The following NT5DC1 variants were observed in gnomAD, a reference collection of about 807,000 sequenced individuals.
NT5DC1 encodes the protein 5'-nucleotidase domain containing 1.
In NT5DC1, 42 loss-of-function variants were observed where a neutral mutation model predicts 59.4. That is an observed-to-expected ratio of 0.71 (90% CI 0.55 to 0.92). The LOEUF (loss-of-function observed/expected upper bound fraction) is 0.92, where lower values mean the gene tolerates loss of function less well. Among genes scored for constraint, NT5DC1 ranks in the 40% least tolerant of loss-of-function variants. The pLI, the probability that NT5DC1 is intolerant of heterozygous loss-of-function variation, is 0.00. For synonymous variants in NT5DC1, 172 were observed against 188.1 expected, an observed-to-expected ratio of 0.91 and a Z score of 0.70; for missense variants, 501 against 537.1, an observed-to-expected ratio of 0.93 and a Z score of 0.66.
intron 6 of NT5DC1, among the ~76,000 whole-genome samples, chr6:116,190,450 G>A (rs1483066155): frequency 6.6e-6 from 1 of 151,946 alleles, no homozygotes; most frequent in African/African-American, 2.4e-5. Context: ...GATGAGAGGT[G>A]AGGAAGACAG....
intron 2 of NT5DC1, among the ~76,000 whole-genome samples, chr6:116,108,056 CAT>C (rs1468569541): frequency 3.3e-5 from 5 of 152,006 alleles, no homozygotes; most frequent in African/African-American, 1.2e-4. Flanking sequence ...TTAACAAAGT[CAT>C]GGGATGATGT....
intron 6 of NT5DC1, among the ~76,000 whole-genome samples, chr6:116,123,970 T>C (rs1582816533): frequency 2.0e-5 from 3 of 152,230 alleles, no homozygotes; most frequent in Non-Finnish European, 4.4e-5. Context: ...AATCCAGTGC[T>C]GTTTGTCATA....
chr6:116,195,894 A>G (rs1204840), intron 6 of NT5DC1, among the ~76,000 whole-genome samples: 3,374 of 152,116 alleles, frequency 0.022, 133 homozygotes, highest in African/African-American at 0.078. Flanking sequence ...TTTAAGCCAC[A>G]AGTTGGAAAG....
At chr6:116,224,223 G>A (rs773537103) in intron 8 of NT5DC1, among the ~76,000 whole-genome samples, 2 of 152,162 alleles carry the variant, frequency 1.3e-5, no homozygotes, top group Non-Finnish European at 2.9e-5. Context: ...ATTTAATATG[G>A]TAATACAGTA....
chr6:116,195,810 G>A (rs1256985718), intron 6 of NT5DC1, among the ~76,000 whole-genome samples: 2 of 152,008 alleles, frequency 1.3e-5, no homozygotes, highest in African/African-American at 4.8e-5. Context: ...CAGATGGTGG[G>A]ATTGTGGGTG....
Position 116,100,872 on chromosome 6 carries a change from C to T in NT5DC1, c.-59C>T. 7.4e-7 allele frequency: 1 copy of T among 1,349,010 alleles called. No homozygotes were observed. Among genetic ancestry groups the T allele is most frequent in the Non-Finnish European group, 1.0e-6 (1 of 983,792 alleles). 83.6% of individuals were successfully genotyped at this position (1,349,010 alleles called of 1,614,324 possible). On this transcript the variant is annotated 5_prime_UTR_variant, in exon 1 of 12. Coordinates refer to ENST00000319550, the MANE Select transcript of NT5DC1 (RefSeq NM_152729.3). ...CCCGGTCCTGTCCCGCAGCGTCCCG[C>T]CAGCCAGCTCCTTGCACCCTTCGCG...
intron 8 of NT5DC1, among the ~76,000 whole-genome samples, chr6:116,234,853 C>T (rs559941046): frequency 1.3e-5 from 2 of 152,160 alleles, no homozygotes; most frequent in South Asian, 2.1e-4. Flanking sequence ...CTCTCTACTG[C>T]AGGAATTAAT....
At chr6:116,236,536 A>T (rs1437831562) in intron 8 of NT5DC1, among the ~76,000 whole-genome samples, 1 of 152,228 alleles carries the variant, frequency 6.6e-6, no homozygotes. Context: ...CAAAATTTAC[A>T]TCTGAATCTG....
chr6:116,242,068 T>A (rs942043264), intron 11 of NT5DC1, among the ~76,000 whole-genome samples: 3 of 151,938 alleles, frequency 2.0e-5, no homozygotes, highest in East Asian at 1.9e-4. Context: ...TAGCCAATTT[T>A]AAAAAAATAA....
chr6:116,199,555 T>C (rs1193451010), intron 6 of NT5DC1, among the ~76,000 whole-genome samples: 6 of 152,110 alleles, frequency 3.9e-5, no homozygotes, highest in African/African-American at 1.4e-4. Flanking sequence ...TCTAACGCCA[T>C]TCTCCAGTAT....
chr6:116,104,037 G>A (rs371438281), intron 1 of NT5DC1, among the ~76,000 whole-genome samples: 6 of 152,150 alleles, frequency 3.9e-5, no homozygotes, highest in South Asian at 2.1e-4. Context: ...GCAGTAGAAC[G>A]TGTATTATTA....
chr6:116,102,920 G>T (rs1218234599), intron 1 of NT5DC1, among the ~76,000 whole-genome samples: 2 of 152,214 alleles, frequency 1.3e-5, no homozygotes, highest in African/African-American at 2.4e-5. Context: ...TCTTTGCTCT[G>T]CACAGAAGCT....
intron 8 of NT5DC1, among the ~76,000 whole-genome samples, chr6:116,233,229 A>G (rs1782052121): frequency 6.6e-6 from 1 of 152,216 alleles, no homozygotes; most frequent in African/African-American, 2.4e-5. Flanking sequence ...AATTTTAGGA[A>G]AGTAATACAG....
At chr6:116,237,844 G>A in intron 9 of NT5DC1, among the ~76,000 whole-genome samples, 1 of 152,158 alleles carries the variant, frequency 6.6e-6, no homozygotes, top group East Asian at 1.9e-4. Flanking sequence ...TACCTCACCA[G>A]CTCTTCAACT....
chr6:116,212,827 T>C (rs1781606081), intron 6 of NT5DC1, among the ~76,000 whole-genome samples: 1 of 152,156 alleles, frequency 6.6e-6, no homozygotes, highest in Admixed American at 6.6e-5. Context: ...GATAAGTATG[T>C]AGAATTTGCT....
chr6:116,155,095 G>C (rs1267789553), intron 6 of NT5DC1, among the ~76,000 whole-genome samples: 1 of 152,128 alleles, frequency 6.6e-6, no homozygotes, highest in South Asian at 2.1e-4. Context: ...AGTAATTGCG[G>C]TTTTTGCCAT....
At chr6:116,108,263 G>T in intron 2 of NT5DC1, 101 bp from the exon 3 acceptor site, 1 of 746,782 alleles carries the variant, frequency 1.3e-6, no homozygotes, top group Non-Finnish European at 2.4e-6. Flanking sequence ...CTGGGTGGCA[G>T]AATCCCTTTT....
chr6:116,225,747 T>C (rs892317398), intron 8 of NT5DC1, among the ~76,000 whole-genome samples: 1 of 152,220 alleles, frequency 6.6e-6, no homozygotes, highest in African/African-American at 2.4e-5. Flanking sequence ...AGTCAAAGAA[T>C]TGAGGTTTTA....
chr6:116,112,589 T>G (rs376610875), intron 4 of NT5DC1, among the ~76,000 whole-genome samples: 1 of 152,216 alleles, frequency 6.6e-6, no homozygotes, highest in East Asian at 1.9e-4. Context: ...CTAGGTACAC[T>G]TAGTTCTTCT....
Sources: gnomAD v4.1 joint callset for allele counts (sites outside exome capture counted in the v4.1 genomes callset) on GRCh38, gnomAD v4.1.1 for gene constraint, MANE v1.5 for transcripts, NCBI Gene and HGNC (gene_info 2026-07-23, HGNC 2026-07-21) for gene names.